RELN: variants seen among roughly 807,000 people sequenced by gnomAD.
The protein encoded by RELN is reelin.
RELN carries 108 observed loss-of-function variants against 427.6 expected under a neutral mutation model. That is an observed-to-expected ratio of 0.25 (90% CI 0.22 to 0.30). The LOEUF (loss-of-function observed/expected upper bound fraction) is 0.30. RELN is among the 10% of genes least tolerant of loss of function. RELN has a pLI of 1.00. For synonymous variants in RELN, 1,524 were observed against 1,513.4 expected (o/e 1.01, Z -0.16); for missense variants, 3,715 against 4,302.8 (o/e 0.86, Z 3.82).
intron 11 of RELN, among the ~76,000 whole-genome samples, chr7:103,676,696 A>G (rs1182075103): frequency 6.6e-6 from 1 of 152,226 alleles, no homozygotes; most frequent in African/African-American, 2.4e-5. Flanking sequence ...ACACCATGGA[A>G]TACTATGCAG....
intron 3 of RELN, among the ~76,000 whole-genome samples, chr7:103,779,249 T>C (rs1457343515): frequency 1.3e-5 from 2 of 152,142 alleles, no homozygotes; most frequent in African/African-American, 4.8e-5. Context: ...CTTTATATGT[T>C]CTAATTATTT....
At chr7:103,919,082 C>G (rs1469382560) in intron 1 of RELN, among the ~76,000 whole-genome samples, 7 of 150,704 alleles carry the variant, frequency 4.6e-5, no homozygotes, top group Non-Finnish European at 7.4e-5. Flanking sequence ...CATTCCTTTT[C>G]CTCGTTTAAG....
chr7:103,630,300 A>G, intron 19 of RELN, 124 bp from the exon 20 acceptor site: 1 of 698,564 alleles, frequency 1.4e-6, no homozygotes, highest in Non-Finnish European at 2.4e-6. Flanking sequence ...GATTATAAAC[A>G]TTTTTTTTTG....
chr7:103,888,248 T>G (rs115691265), intron 2 of RELN, among the ~76,000 whole-genome samples: 1 of 124,280 alleles, frequency 8.0e-6, no homozygotes, highest in African/African-American at 2.9e-5. Flanking sequence ...AAAAAAAATA[T>G]ATATATATAT....
At chr7:103,476,949 A>G (rs1828057477) in intron 64 of RELN, among the ~76,000 whole-genome samples, 1 of 152,218 alleles carries the variant, frequency 6.6e-6, no homozygotes, top group African/African-American at 2.4e-5. Context: ...TAAGTTCAAT[A>G]AAAGGAGGTA....
chr7:103,881,973 A>G (rs148587292), intron 2 of RELN, among the ~76,000 whole-genome samples: 295 of 152,260 alleles, frequency 1.9e-3, no homozygotes, highest in African/African-American at 6.6e-3. Flanking sequence ...ATGAAGTGCC[A>G]ATGAATGAAT....
At position 103,522,165 on chromosome 7, in the gene RELN, C is replaced by A. The variant is rs927921240; in HGVS notation, c.7525G>T (p.Asp2509Tyr). 4 of 1,613,908 alleles carry A rather than the reference C, an allele frequency of 2.5e-6. No homozygotes were observed. In the African/African-American group the frequency reaches 5.3e-5, roughly 22 times the overall value. The change falls in exon 48 of 65, where the codon GAC (aspartate) becomes TAC (tyrosine). Residue 2509 changes from aspartate to tyrosine, a missense_variant. Around this residue, in one of 4 missense-constraint regions of RELN, gnomAD observed 1,310 missense variants for 1,643.0 expected, o/e 0.80. Transcript: ENST00000428762. ...TGGGTTGGAAGAGAGGTCTCGGGGT[C>A]ATCACAGTACAGGCCACCCCACTGT... is the stretch of plus-strand genomic sequence containing the variant. ...DEQWGGLYCD[D>Y]PETSLPTQLK...
intron 58 of RELN, 77 bp downstream of exon 58, chr7:103,491,848 TCTCTCTCTCACACACACACACACACACA>T (rs1828671554): frequency 4.3e-5 from 25 of 581,890 alleles, no homozygotes; most frequent in Middle Eastern, 9.3e-4. Context: ...TCTCTCTCTC[TCTCTCTCTCACACACACACACACACACA>T]CACACACACA....
intron 4 of RELN, among the ~76,000 whole-genome samples, chr7:103,770,508 C>A (rs990921838): frequency 1.3e-5 from 2 of 152,196 alleles, no homozygotes; most frequent in Non-Finnish European, 2.9e-5. Flanking sequence ...TCAACCTATT[C>A]AACTTCAACT....
intron 3 of RELN, among the ~76,000 whole-genome samples, chr7:103,827,152 C>A (rs1273003686): frequency 6.6e-6 from 1 of 151,934 alleles, no homozygotes. Context: ...ACAGGTACAT[C>A]TTTGGACTGT....
chr7:103,857,270 T>C (rs1793968975), intron 2 of RELN, among the ~76,000 whole-genome samples: 2 of 152,212 alleles, frequency 1.3e-5, no homozygotes, highest in South Asian at 4.1e-4. Context: ...ATCTAAGCTA[T>C]CATTGAATAT....
At position 103,833,559 on chromosome 7, in the gene RELN, C is replaced by T; in HGVS notation, c.451G>A (p.Gly151Ser). ...LSFIWIAPPA[G>S]TGCVNFMATA... The stretch of plus-strand genomic sequence containing the variant: ...TACATGAAATTCACACAGCCTGTGC[C>T]CGCAGGTGGAGCAATCCAGATGAAA... Residue 151 changes from glycine to serine, a missense_variant, in exon 3 of 65, where the codon GGC becomes AGC. Around this residue, in one of 4 missense-constraint regions of RELN, gnomAD observed 2,208 missense variants for 2,361.7 expected, o/e 0.93. Coordinates refer to ENST00000428762, the MANE Select transcript of RELN (RefSeq NM_005045.4). 6.2e-7 allele frequency: 1 copy of T among 1,614,064 alleles called. No homozygotes were observed. The highest frequency in any genetic ancestry group is 8.5e-7 in the Non-Finnish European group (1 of 1,179,966).
At chr7:103,972,060 G>A (rs147022851) in intron 1 of RELN, among the ~76,000 whole-genome samples, 12 of 152,170 alleles carry the variant, frequency 7.9e-5, no homozygotes, top group East Asian at 3.9e-4. Flanking sequence ...GCGACAGAGC[G>A]AGACCCTCTC....
Position 103,545,162 on chromosome 7 carries a change from C to T in RELN, c.6485G>A (p.Ser2162Asn). Residue 2162 changes from serine to asparagine, a missense_variant, in exon 42 of 65, where the codon AGC becomes AAC. This residue lies in a region of RELN where 1,310 missense variants were observed against 1,643.0 expected (regional missense o/e 0.80). Coordinates refer to ENST00000428762, the MANE Select transcript of RELN (RefSeq NM_005045.4). ...PGYSGPTCKI[S>N]TKNPDFLKDD... ...TTTGAGAAAATCAGGATTTTTGGTGCTTATTTTACAGGTTGGACCTGAGTA... is the reference window on the plus strand; with the variant it reads ...TTTGAGAAAATCAGGATTTTTGGTGTTTATTTTACAGGTTGGACCTGAGTA... The T allele has an allele frequency of 6.2e-7, 1 of 1,614,002 alleles. No individual in the cohort carries two copies. Among genetic ancestry groups the T allele is most frequent in the South Asian group, 1.1e-5 (1 of 91,062 alleles).
Position 103,486,305 on chromosome 7 carries a change from C to T in RELN, c.9875G>A (p.Gly3292Glu). 1 of 1,614,186 alleles carries T rather than the reference C, an allele frequency of 6.2e-7. No homozygotes were observed. Among genetic ancestry groups the T allele is most frequent in the East Asian group, 2.2e-5 (1 of 44,890 alleles). The change falls in exon 61 of 65, where the codon GGA becomes GAA. Residue 3292 changes from glycine to glutamate, a missense_variant. Physicochemically the swap from Gly to Glu is moderately conservative, Grantham distance 98. This residue lies in a region of RELN where 195 missense variants were observed against 281.3 expected (regional missense o/e 0.69). Coordinates refer to ENST00000428762, the MANE Select transcript of RELN (RefSeq NM_005045.4). The part of the protein sequence containing the change: ...NWETIQGGVI[G>E]SGCGQLAPYA... Reference sequence around the variant, plus strand: ...GGGGGCCAGCTGCCCACAGCCACTTCCTATGACTCCACCTTGAATGGTCTC... The same window carrying T: ...GGGGGCCAGCTGCCCACAGCCACTTTCTATGACTCCACCTTGAATGGTCTC...
At chr7:103,743,327 A>C (rs1220294554) in intron 6 of RELN, among the ~76,000 whole-genome samples, 1 of 152,232 alleles carries the variant, frequency 6.6e-6, no homozygotes, top group Non-Finnish European at 1.5e-5. Context: ...TGTAAAGAAC[A>C]TCAAGGCTAG....
chr7:103,751,623 G>C (rs1791003696), intron 5 of RELN, among the ~76,000 whole-genome samples: 2 of 152,246 alleles, frequency 1.3e-5, no homozygotes, highest in Admixed American at 1.3e-4. Flanking sequence ...ACAGGGTACA[G>C]CTCTCTCAGA....
intron 36 of RELN, among the ~76,000 whole-genome samples, chr7:103,561,273 A>C (rs1373911286): frequency 2.6e-5 from 4 of 152,234 alleles, no homozygotes; most frequent in Non-Finnish European, 5.9e-5. Context: ...AACTATCTAC[A>C]TATAAATTTA....
chr7:103,936,372 T>G (rs993132238), intron 1 of RELN, among the ~76,000 whole-genome samples: 1 of 152,096 alleles, frequency 6.6e-6, no homozygotes, highest in Non-Finnish European at 1.5e-5. Context: ...GGATTACAGG[T>G]GTGAGCCACT....
Sources: gnomAD v4.1 joint callset for allele counts (sites outside exome capture counted in the v4.1 genomes callset) on GRCh38, gnomAD v4.1.1 for gene constraint, gnomAD v4.1.1 regional missense constraint, MANE v1.5 for transcripts, NCBI Gene and HGNC (gene_info 2026-07-23, HGNC 2026-07-21) for gene names.